Variants in CNTN1 observed in about 807,000 individuals in gnomAD.
CNTN1 encodes contactin 1.
A neutral mutation model predicts 126.4 loss-of-function variants in CNTN1; 38 were observed. The ratio of observed to expected loss-of-function variants is 0.30; its 90% confidence interval spans 0.23 to 0.39. The LOEUF is 0.39. Among genes scored for constraint, CNTN1 ranks in the 10% least tolerant of loss-of-function variants. CNTN1 has a pLI of 1.00. For missense variants in CNTN1, 1,009 were observed against 1,248.4 expected (o/e 0.81, Z 2.89); for synonymous variants, 413 against 422.6 (o/e 0.98, Z 0.28).
chr12:40,715,345 A>C (rs1942023320), intron 1 of CNTN1, among the ~76,000 whole-genome samples: 1 of 152,134 alleles, frequency 6.6e-6, no homozygotes, highest in South Asian at 2.1e-4. Flanking sequence ...CTTATCTCAG[A>C]AAATGATAAT....
intron 23 of CNTN1, among the ~76,000 whole-genome samples, chr12:41,065,044 G>T (rs1271634765): frequency 6.6e-6 from 1 of 151,744 alleles, no homozygotes; most frequent in East Asian, 1.9e-4. Flanking sequence ...GGCACTCATT[G>T]CTTGCTTTAT....
intron 14 of CNTN1, among the ~76,000 whole-genome samples, chr12:40,952,691 C>T (rs1334661243): frequency 2.0e-5 from 3 of 152,018 alleles, no homozygotes; most frequent in Non-Finnish European, 4.4e-5. Flanking sequence ...CAACCTTTGA[C>T]ACCTAGTTAA....
chr12:40,949,911 C>T (rs1946604669), intron 14 of CNTN1, among the ~76,000 whole-genome samples: 1 of 150,978 alleles, frequency 6.6e-6, no homozygotes, highest in Admixed American at 6.6e-5. Context: ...TAAGATTATC[C>T]AGAATTATGT....
In CNTN1 at chr12:40,999,677, G is replaced by A. The variant is rs80136837; in HGVS notation, c.2113+6408G>A. On this transcript the variant is annotated intron_variant, in intron 17 of 23. Coordinates refer to ENST00000551295, the MANE Select transcript of CNTN1 (RefSeq NM_001843.4). ...ATATAAAAACACTTTATTAAGAGAA[G>A]CAGTTACTGTTCTTCTGTGCTTTTT... Among the ~76,000 whole-genome samples the A allele has an allele frequency of 1.1e-3, 157 of 147,522 alleles. 1 individual carries two copies. In the East Asian group the frequency reaches 0.02, roughly 19 times the overall value.
chr12:40,804,772 A>G (rs1012959423), intron 1 of CNTN1, among the ~76,000 whole-genome samples: 5 of 152,068 alleles, frequency 3.3e-5, no homozygotes, highest in Admixed American at 1.3e-4. Context: ...TCTCTCCAGC[A>G]TCACATTCTT....
intron 1 of CNTN1, among the ~76,000 whole-genome samples, chr12:40,770,073 G>A (rs1939276181): frequency 6.6e-6 from 1 of 152,108 alleles, no homozygotes; most frequent in Non-Finnish European, 1.5e-5. Flanking sequence ...TAACCCTATT[G>A]AGATTGGAGG....
At chr12:40,916,063 T>C (rs559137604) in intron 3 of CNTN1, among the ~76,000 whole-genome samples, 2 of 152,250 alleles carry the variant, frequency 1.3e-5, no homozygotes, top group African/African-American at 4.8e-5. Flanking sequence ...ACTTAGAAGA[T>C]CTTTATGAAC....
chr12:40,747,674 T>C (rs1261044237), intron 1 of CNTN1, among the ~76,000 whole-genome samples: 1 of 152,044 alleles, frequency 6.6e-6, no homozygotes, highest in Non-Finnish European at 1.5e-5. Flanking sequence ...AGGAATCTAG[T>C]CAGGAAGATA....
intron 17 of CNTN1, among the ~76,000 whole-genome samples, chr12:40,998,220 G>C (rs993092792): frequency 6.6e-6 from 1 of 152,028 alleles, no homozygotes; most frequent in Non-Finnish European, 1.5e-5. Flanking sequence ...AGAAGAAAGC[G>C]GTCATTTTTT....
chr12:40,738,717 A>T (rs1937805907), intron 1 of CNTN1, among the ~76,000 whole-genome samples: 1 of 152,044 alleles, frequency 6.6e-6, no homozygotes, highest in Admixed American at 6.6e-5. Flanking sequence ...TAGTCAATAA[A>T]TACATGAAAT....
intron 1 of CNTN1, among the ~76,000 whole-genome samples, chr12:40,781,362 T>C (rs1337146644): frequency 6.6e-6 from 1 of 151,976 alleles, no homozygotes; most frequent in East Asian, 1.9e-4. Context: ...TGGACATCTG[T>C]CTTGACCATT....
chr12:40,876,478 C>T (rs902503072), intron 1 of CNTN1, among the ~76,000 whole-genome samples: 1 of 152,014 alleles, frequency 6.6e-6, no homozygotes, highest in African/African-American at 2.4e-5. Context: ...ATATCCACAT[C>T]CTAGAGGCAT....
At chr12:40,786,471 C>A (rs986449468) in intron 1 of CNTN1, among the ~76,000 whole-genome samples, 1 of 152,124 alleles carries the variant, frequency 6.6e-6, no homozygotes, top group African/African-American at 2.4e-5. Flanking sequence ...GTCCATGGAT[C>A]TTTCCAAGGT....
chr12:40,803,794 G>C (rs1038688243), intron 1 of CNTN1, among the ~76,000 whole-genome samples: 1 of 151,734 alleles, frequency 6.6e-6, no homozygotes, highest in East Asian at 1.9e-4. Context: ...GGAATGATGA[G>C]AAGGATACAG....
intron 23 of CNTN1, among the ~76,000 whole-genome samples, chr12:41,030,924 G>C (rs1247580360): frequency 6.6e-6 from 1 of 152,040 alleles, no homozygotes; most frequent in Non-Finnish European, 1.5e-5. Flanking sequence ...TACACTTAGT[G>C]GGCAGTTTCA....
At chr12:40,969,805 A>G (rs1007275158) in intron 15 of CNTN1, among the ~76,000 whole-genome samples, 3 of 152,152 alleles carry the variant, frequency 2.0e-5, no homozygotes, top group Non-Finnish European at 4.4e-5. Context: ...CTACCAGGAT[A>G]ACTTTGAATC....
intron 1 of CNTN1, among the ~76,000 whole-genome samples, chr12:40,712,195 C>T (rs371057392): frequency 1.9e-4 from 29 of 152,088 alleles, no homozygotes; most frequent in Non-Finnish European, 2.6e-4. Context: ...CTTACTAGAC[C>T]TTTCATCACT....
At chr12:40,999,781 C>A (rs541562021) in intron 17 of CNTN1, among the ~76,000 whole-genome samples, 35 of 143,852 alleles carry the variant, frequency 2.4e-4, no homozygotes, top group African/African-American at 8.6e-4. Context: ...CGGCTCACAG[C>A]AAGCTCTGCC....
intron 3 of CNTN1, among the ~76,000 whole-genome samples, chr12:40,912,589 C>T (rs1452919080): frequency 6.6e-6 from 1 of 151,412 alleles, no homozygotes. Flanking sequence ...ATACTTTGTA[C>T]ATTTAGAGTT....
Sources: allele counts gnomAD v4.1 joint callset (sites outside exome capture counted in the v4.1 genomes callset), GRCh38; gene constraint gnomAD v4.1.1; transcripts MANE v1.5; gene names NCBI Gene and HGNC (gene_info 2026-07-23, HGNC 2026-07-21).